RBFOX1: variants seen among roughly 807,000 people sequenced by gnomAD.
RBFOX1 encodes the protein RNA binding fox-1 homolog 1.
Under a neutral mutation model 57.7 loss-of-function variants are expected in RBFOX1, and 8 were observed. The ratio of observed to expected loss-of-function variants is 0.14; its 90% confidence interval spans 0.08 to 0.25. The LOEUF is 0.25. Ranked by LOEUF, RBFOX1 falls within the 10% of genes least tolerant of loss-of-function variation. The pLI is 1.00. For synonymous variants in RBFOX1, 326 were observed against 222.4 expected, an observed-to-expected ratio of 1.47 and a Z score of -4.15; for missense variants, 611 against 548.5, an observed-to-expected ratio of 1.11 and a Z score of -1.14.
chr16:6,033,425 TA>T (rs1338756201), intron 1 of RBFOX1, among the ~76,000 whole-genome samples: 1 of 152,246 alleles, frequency 6.6e-6, no homozygotes, highest in Non-Finnish European at 1.5e-5. Flanking sequence ...TAGAGACAAC[TA>T]TTTTTATAGT....
chr16:5,316,101 T>A (rs906655063), intron 1 of RBFOX1, among the ~76,000 whole-genome samples: 2 of 152,076 alleles, frequency 1.3e-5, no homozygotes, highest in African/African-American at 4.8e-5. Flanking sequence ...CAAACCACAC[T>A]CCCCTGCCAC....
At chr16:7,314,325 T>C (rs991192871) in intron 4 of RBFOX1, among the ~76,000 whole-genome samples, 2 of 152,148 alleles carry the variant, frequency 1.3e-5, no homozygotes, top group Non-Finnish European at 2.9e-5. Context: ...CCTGGTCGTG[T>C]TCATAACGGA....
chr16:6,858,503 C>A (rs1196340376), intron 3 of RBFOX1, among the ~76,000 whole-genome samples: 3 of 152,106 alleles, frequency 2.0e-5, no homozygotes, highest in Admixed American at 6.6e-5. Flanking sequence ...GAACATACTC[C>A]TTGAAGCTGC....
chr16:6,235,568 G>GTT (rs1334360357), intron 1 of RBFOX1, among the ~76,000 whole-genome samples: 1 of 143,996 alleles, frequency 6.9e-6, no homozygotes, highest in Non-Finnish European at 1.5e-5. Context: ...ATGTGTGTGT[G>GTT]TGTGTGTGTG....
At chr16:6,652,810 A>G (rs2098607305) in intron 2 of RBFOX1, among the ~76,000 whole-genome samples, 1 of 152,102 alleles carries the variant, frequency 6.6e-6, no homozygotes, top group Non-Finnish European at 1.5e-5. Context: ...GAAAAATGAA[A>G]AAATTCTGGA....
intron 2 of RBFOX1, among the ~76,000 whole-genome samples, chr16:6,522,482 T>G (rs2153804801): frequency 6.6e-6 from 1 of 152,214 alleles, no homozygotes; most frequent in Non-Finnish European, 1.5e-5. Flanking sequence ...GTCAATGAAA[T>G]TAGACAGTTA....
intron 1 of RBFOX1, among the ~76,000 whole-genome samples, chr16:6,074,728 A>G (rs902759075): frequency 2.0e-5 from 3 of 152,198 alleles, no homozygotes; most frequent in Admixed American, 6.5e-5. Flanking sequence ...TGAACTAACA[A>G]GGTTCTTGCT....
chr16:7,321,269 T>C (rs8062298), intron 4 of RBFOX1, among the ~76,000 whole-genome samples: 29,118 of 151,904 alleles, frequency 0.19, 4,497 homozygotes, highest in African/African-American at 0.43. Context: ...ATCAGCCTCC[T>C]AAGTAGCTGG....
At position 6,503,747 on chromosome 16, in the gene RBFOX1, A is replaced by G. The variant is rs987779804; in HGVS notation, c.-63-150856A>G. ...TGTCTACTGGACCAAATCAAGACAC[A>G]CAGCCAATCCCAGAGTGAGTGATGT... On this transcript the variant is annotated intron_variant, in intron 2 of 15. Transcript: ENST00000550418. Among the ~76,000 whole-genome samples, 4 of 152,182 alleles carry G rather than the reference A, an allele frequency of 2.6e-5. No homozygotes were observed. In the East Asian group the frequency reaches 7.7e-4, roughly 29 times the overall value.
chr16:6,906,179 C>T (rs1348048963), intron 3 of RBFOX1, among the ~76,000 whole-genome samples: 6 of 152,004 alleles, frequency 3.9e-5, no homozygotes, highest in African/African-American at 1.2e-4. Context: ...TTAGAGAAAA[C>T]GTCGAAGCAG....
At chr16:5,548,883 G>A (rs978162880) in intron 2 of RBFOX1, among the ~76,000 whole-genome samples, 1 of 152,162 alleles carries the variant, frequency 6.6e-6, no homozygotes, top group African/African-American at 2.4e-5. Context: ...GAAGAAGATG[G>A]AAGGGGCACA....
At chr16:7,268,726 C>T (rs757268014) in intron 4 of RBFOX1, among the ~76,000 whole-genome samples, 5 of 152,134 alleles carry the variant, frequency 3.3e-5, no homozygotes, top group South Asian at 4.1e-4. Flanking sequence ...GCCTTTTTCT[C>T]ACCCAAAGGC....
At chr16:5,977,155 C>T (rs1201977296) in intron 4 of RBFOX1, among the ~76,000 whole-genome samples, 1 of 152,094 alleles carries the variant, frequency 6.6e-6, no homozygotes, top group Non-Finnish European at 1.5e-5. Context: ...CTGGACCACC[C>T]ATCTCTGTAG....
At chr16:6,701,252 G>C (rs763418528) in intron 3 of RBFOX1, among the ~76,000 whole-genome samples, 35 of 152,170 alleles carry the variant, frequency 2.3e-4, no homozygotes, top group Admixed American at 1.3e-4. Flanking sequence ...CTTGAGCAAG[G>C]AGGCTCTCTG....
intron 3 of RBFOX1, among the ~76,000 whole-genome samples, chr16:7,024,341 T>C (rs1408107682): frequency 6.6e-6 from 1 of 152,164 alleles, no homozygotes; most frequent in Admixed American, 6.5e-5. Flanking sequence ...AAGTGATTTT[T>C]TAAAATAATA....
chr16:5,759,024 A>G (rs62014103), intron 3 of RBFOX1, among the ~76,000 whole-genome samples: 19,523 of 152,192 alleles, frequency 0.13, 1,451 homozygotes, highest in South Asian at 0.19. Context: ...ACTTTGAGCA[A>G]ATTCATGAAA....
Position 7,063,595 on chromosome 16 carries a change from G to C in RBFOX1, c.27+11497G>C, listed in dbSNP as rs572480490. On this transcript the variant is annotated intron_variant, in intron 4 of 15. Transcript: ENST00000550418. ...GAATAGTACTTTTCAAATTTAGCTG[G>C]TAAAATGTTTTGATGTCTCAGCCTT... is the stretch of plus-strand genomic sequence containing the variant. Among the ~76,000 whole-genome samples, 813 of 152,248 alleles carry C rather than the reference G, an allele frequency of 5.3e-3. 4 individuals carry two copies. Among genetic ancestry groups the C allele is most frequent in the Non-Finnish European group, 9.4e-3 (637 of 68,012 alleles).
At chr16:6,797,814 A>T (rs2084437278) in intron 3 of RBFOX1, among the ~76,000 whole-genome samples, 1 of 152,128 alleles carries the variant, frequency 6.6e-6, no homozygotes, top group Non-Finnish European at 1.5e-5. Flanking sequence ...ACACAACATT[A>T]TGTCTGCAAT....
chr16:7,054,387 G>A (rs1351731142), intron 4 of RBFOX1, among the ~76,000 whole-genome samples: 2 of 151,388 alleles, frequency 1.3e-5, no homozygotes, highest in East Asian at 3.9e-4. Context: ...TTACAGGCAC[G>A]CGCCACCACG....
Sources: allele counts gnomAD v4.1 joint callset (sites outside exome capture counted in the v4.1 genomes callset), GRCh38; gene constraint gnomAD v4.1.1; transcripts MANE v1.5; gene names NCBI Gene and HGNC (gene_info 2026-07-23, HGNC 2026-07-21).